The following NUP35 variants were observed in gnomAD, a reference collection of about 807,000 sequenced individuals.
NUP35 encodes the protein nucleoporin NUP35.
In NUP35, 25 loss-of-function variants were observed where a neutral mutation model predicts 41.5. The ratio of observed to expected loss-of-function variants is 0.60; its 90% confidence interval spans 0.44 to 0.84. The LOEUF is 0.84. Ranked by LOEUF, NUP35 falls within the 40% of genes least tolerant of loss-of-function variation. The pLI is 0.00. For missense variants in NUP35, 396 were observed against 396.6 expected (o/e 1.00, Z 0.01); for synonymous variants, 149 against 130.7 (o/e 1.14, Z -0.96).
At chr2:183,121,486 G>C (rs1559138839), upstream of NUP35, among the ~76,000 whole-genome samples, 1 of 151,850 alleles carries the variant, frequency 6.6e-6, no homozygotes, top group African/African-American at 2.4e-5. Flanking sequence ...TTGAAATGCA[G>C]GTAAAGAAAA....
intron 1 of NUP35, chr2:183,118,409 G>A (rs936822647): frequency 6.6e-6 from 1 of 152,088 alleles, no homozygotes; most frequent in Non-Finnish European, 1.5e-5. Flanking sequence ...ACAAAAAAGG[G>A]TAATTAGAAC....
chr2:183,122,719 G>A (rs1397770151), upstream of NUP35, among the ~76,000 whole-genome samples: 3 of 152,082 alleles, frequency 2.0e-5, no homozygotes, highest in Non-Finnish European at 4.4e-5. Flanking sequence ...GCCTCCCAAG[G>A]TGCTGGGATT....
intron 4 of NUP35, among the ~76,000 whole-genome samples, chr2:183,138,730 C>A (rs551095374): frequency 1.8e-4 from 28 of 151,868 alleles, no homozygotes; most frequent in South Asian, 4.1e-4. Context: ...TTGAGAAGTT[C>A]TTTCACTTAT....
chr2:183,157,652 AGTCTGGAAGGCTGGAAGTT>A, intron 6 of NUP35, 139 bp downstream of exon 6: 1 of 616,894 alleles, frequency 1.6e-6, no homozygotes, highest in South Asian at 2.0e-5. Flanking sequence ...CATCCTTTGA[AGTCTGGAAGGCTGGAAGTT>A]GCCTAATTTT....
At chr2:183,144,334 A>T (rs74693717) in intron 4 of NUP35, among the ~76,000 whole-genome samples, 1 of 152,162 alleles carries the variant, frequency 6.6e-6, no homozygotes, top group African/African-American at 2.4e-5. Flanking sequence ...TGAATTACCA[A>T]TCAGGTGGTT....
intron 2 of NUP35, among the ~76,000 whole-genome samples, chr2:183,129,740 G>A (rs1301606092): frequency 1.3e-5 from 2 of 152,160 alleles, no homozygotes; most frequent in Non-Finnish European, 2.9e-5. Context: ...ATAAACCTCA[G>A]GTTAGTCTTA....
chr2:183,123,776 G>A (rs1191103467), upstream of NUP35: 1 of 985,218 alleles, frequency 1.0e-6, no homozygotes. Flanking sequence ...TGGACGGCAG[G>A]GATGGCACAT....
chr2:183,124,367 A>C, upstream of NUP35: 1 of 1,611,352 alleles, frequency 6.2e-7, no homozygotes, highest in Non-Finnish European at 8.5e-7. Context: ...GCAACCCCAT[A>C]AGGTAGCACG....
At chr2:183,158,517 T>C in intron 7 of NUP35, 106 bp downstream of exon 7, 1 of 1,001,578 alleles carries the variant, frequency 1.0e-6, no homozygotes, top group Non-Finnish European at 1.4e-6. Flanking sequence ...TGTCTGTTTT[T>C]CTTAGTTTGT....
At chr2:183,140,103 A>G (rs1685034031) in intron 4 of NUP35, among the ~76,000 whole-genome samples, 1 of 152,234 alleles carries the variant, frequency 6.6e-6, no homozygotes, top group Non-Finnish European at 1.5e-5. Flanking sequence ...ATTATCACAA[A>G]TTAATATCTT....
upstream of NUP35, among the ~76,000 whole-genome samples, chr2:183,119,486 T>C (rs576447318): frequency 1.2e-4 from 18 of 152,200 alleles, no homozygotes; most frequent in African/African-American, 4.3e-4. Flanking sequence ...AGAAAGAGGC[T>C]TGAGCTGCTA....
upstream of NUP35, among the ~76,000 whole-genome samples, chr2:183,122,866 T>A (rs555602824): frequency 6.8e-6 from 1 of 146,406 alleles, no homozygotes; most frequent in East Asian, 2.2e-4. Flanking sequence ...ATCCATACAC[T>A]AAGCTTTAGA....
chr2:183,140,533 G>A (rs995813713), intron 4 of NUP35, among the ~76,000 whole-genome samples: 4 of 152,130 alleles, frequency 2.6e-5, no homozygotes, highest in African/African-American at 9.7e-5. Context: ...AATAAATTCA[G>A]ATGGTTTTAG....
intron 4 of NUP35, among the ~76,000 whole-genome samples, chr2:183,144,699 C>G (rs530207547): frequency 3.3e-5 from 5 of 152,264 alleles, no homozygotes; most frequent in Admixed American, 3.3e-4. Flanking sequence ...GATAGGCACA[C>G]TTTATTTTCA....
intron 7 of NUP35, 24 bp downstream of exon 7, chr2:183,158,435 A>G (rs1685753237): frequency 3.8e-6 from 6 of 1,569,766 alleles, no homozygotes; most frequent in Non-Finnish European, 5.2e-6. Flanking sequence ...GATGTAGGCA[A>G]AGTAGCTTAA....
chr2:183,128,751 G>T (rs1359910718), intron 2 of NUP35, among the ~76,000 whole-genome samples: 2 of 151,972 alleles, frequency 1.3e-5, no homozygotes, highest in African/African-American at 4.8e-5. Flanking sequence ...AAGTGTAGTG[G>T]TGCAGCATTC....
intron 1 of NUP35, among the ~76,000 whole-genome samples, chr2:183,119,308 T>G (rs1700034133): frequency 6.6e-6 from 1 of 152,154 alleles, no homozygotes; most frequent in African/African-American, 2.4e-5. Context: ...ATACATTTAA[T>G]TGAAAAATAA....
At chr2:183,146,235 CA>C (rs201945920) in intron 4 of NUP35, among the ~76,000 whole-genome samples, 4 of 147,378 alleles carry the variant, frequency 2.7e-5, no homozygotes, top group Admixed American at 1.3e-4. Context: ...GACTCTGTCT[CA>C]AAAAAAAAAG....
intron 4 of NUP35, among the ~76,000 whole-genome samples, chr2:183,146,173 T>C (rs568403752): frequency 6.6e-6 from 1 of 152,006 alleles, no homozygotes; most frequent in East Asian, 1.9e-4. Flanking sequence ...GAGGCGGAGG[T>C]TGCAGTGGGC....
Sources: gnomAD v4.1 joint callset for allele counts (sites outside exome capture counted in the v4.1 genomes callset) on GRCh38, gnomAD v4.1.1 for gene constraint, MANE v1.5 for transcripts, NCBI Gene and HGNC (gene_info 2026-07-23, HGNC 2026-07-21) for gene names.